Variants in MSTN observed in about 807,000 individuals in gnomAD.
The protein encoded by MSTN is growth/differentiation factor 8.
Under a neutral mutation model 32.3 loss-of-function variants are expected in MSTN, and 12 were observed. The observed-to-expected ratio is 0.37, with a 90% confidence interval of 0.24 to 0.60. The LOEUF (loss-of-function observed/expected upper bound fraction) is 0.60. MSTN is among the 20% of genes least tolerant of loss of function. The probability of loss-of-function intolerance (pLI) is 0.67; values close to 1 mark genes in which losing one functional copy is unlikely to be tolerated. For synonymous variants in MSTN, 168 were observed against 155.1 expected (o/e 1.08, Z -0.62); for missense variants, 403 against 450.3 (o/e 0.89, Z 0.95).
chr2:190,057,257 C>T lies in MSTN; in HGVS notation c.*1G>A. On this transcript the variant is annotated 3_prime_UTR_variant, in exon 3 of 3. Transcript: ENST00000260950. ...GAAGTTATGAACGCTTAATATAAAT[C>T]TCATGAGCACCCACAGCGGTCTACT... 1.2e-6 allele frequency: 2 copies of T among 1,613,016 alleles called. No individual in the cohort carries two copies. Among genetic ancestry groups the T allele is most frequent in the Non-Finnish European group, 1.7e-6 (2 of 1,179,288 alleles).
At position 190,057,405 on chromosome 2, in the gene MSTN, T is replaced by C. The variant is rs747034602; in HGVS notation, c.981A>G (p.Val327=). 6.2e-7 allele frequency: 1 copy of C among 1,613,638 alleles called. No individual in the cohort carries two copies. The highest frequency in any genetic ancestry group is 8.5e-7 in the Non-Finnish European group (1 of 1,179,656). The change falls in exon 3 of 3, where the codon GTA becomes GTG. Residue 327 remains valine (V), a synonymous_variant. Transcript: ENST00000260950. ...CTGAACCTCTGGGGTTTGCTTGGTG[T>C]ACCAGATGAGTATGAGGATATTTTT... ...FLQKYPHTHL[V]HQANPRGSAG... is the part of the protein sequence containing the mutation.
At position 190,060,282 on chromosome 2, in the gene MSTN, A is replaced by G; in HGVS notation, c.527T>C (p.Leu176Pro). 7 of 1,613,126 alleles carry G rather than the reference A, an allele frequency of 4.3e-6. No homozygotes were observed. The highest frequency in any genetic ancestry group is 5.9e-6 in the Non-Finnish European group (7 of 1,179,298). Residue 176 changes from leucine to proline, a missense_variant, in exon 2 of 3, where the codon CTC becomes CCC. Coordinates refer to ENST00000260950, the MANE Select transcript of MSTN (RefSeq NM_005259.3). ...TGTACCGTCTTTCATAGGTTTGATG[A>G]GTCTCAGGATTTGCACAAACACTGT... ...PTTVFVQILR[L>P]IKPMKDGTRY...
chr2:190,062,529 A>T lies in MSTN; in HGVS notation c.68T>A (p.Leu23Gln). ...TTCTTTTTGCTCACTGTTCTCATTT[A>T]GATCCACTGGACCAGCAACAATCAG... ...FMLIVAGPVD[L>Q]NENSEQKENV... Residue 23 changes from leucine to glutamine, a missense_variant, in exon 1 of 3, where the codon CTA becomes CAA. Physicochemically the swap from Leu to Gln is moderately radical, Grantham distance 113. Transcript: ENST00000260950. 1 of 1,613,410 alleles carries T rather than the reference A, an allele frequency of 6.2e-7. No homozygotes were observed. Among genetic ancestry groups the T allele is most frequent in the Non-Finnish European group, 8.5e-7 (1 of 1,179,560 alleles).
In MSTN at chr2:190,056,189, G is replaced by A. The variant is rs1685421610; in HGVS notation, c.*1069C>T. On this transcript the variant is annotated 3_prime_UTR_variant, in exon 3 of 3. Coordinates refer to ENST00000260950, the MANE Select transcript of MSTN (RefSeq NM_005259.3). The stretch of plus-strand genomic sequence containing the variant: ...GAAATATAAGTAGTTGCTTTTCTGT[G>A]ATGCATGACATGTCTTTGTGCCTTA... The A allele has an allele frequency of 1.3e-5, 2 of 152,468 alleles. No homozygotes were observed. Among genetic ancestry groups the A allele is most frequent in the African/African-American group, 4.8e-5 (2 of 41,424 alleles). The allele number at this position is 152,468 out of a possible 1,614,324, so 9.4% of individuals were successfully genotyped here. A position where few individuals can be genotyped will look rare whatever the true frequency, so the allele number is the denominator to read the frequency against.
At position 190,060,395 on chromosome 2, in the gene MSTN, G is replaced by A. The variant is rs779712124; in HGVS notation, c.414C>T (p.Cys138=). ...LMQVDGKPKC[C]FFKFSSKIQY... ...GTATTTTAGAGCTAAATTTAAAGAA[G>A]CAACATTTGGGTTTTCCATCCACTT... Residue 138 remains cysteine, a synonymous_variant, in exon 2 of 3, where the codon TGC becomes TGT. Coordinates refer to ENST00000260950, the MANE Select transcript of MSTN (RefSeq NM_005259.3). 2 of 1,610,552 alleles carry A rather than the reference G, an allele frequency of 1.2e-6. No individual in the cohort carries two copies. The highest frequency in any genetic ancestry group is 3.4e-5 in the Admixed American group (2 of 59,474).
Position 190,057,153 on chromosome 2 carries a change from G to A in MSTN, c.*105C>T, listed in dbSNP as rs967835682. On this transcript the variant is annotated 3_prime_UTR_variant, in exon 3 of 3. Transcript: ENST00000260950. Reference sequence around the variant, plus strand: ...TGTAGCTTATGCTTAAGTGACTGTAGCATACTCTAGGCCTATAGCCTGTGG... The same window carrying A: ...TGTAGCTTATGCTTAAGTGACTGTAACATACTCTAGGCCTATAGCCTGTGG... 2.5e-5 allele frequency: 30 copies of A among 1,219,756 alleles called. No individual in the cohort carries two copies. The Admixed American group carries it at 3.5e-4, about 14-fold the overall frequency. The allele number at this position is 1,219,756 out of a possible 1,614,324, so 75.6% of individuals were successfully genotyped here.
Position 190,060,084 on chromosome 2 carries a change from G to C in MSTN, c.725C>G (p.Pro242Arg). 6.2e-7 allele frequency: 1 copy of C among 1,612,300 alleles called. No individual in the cohort carries two copies. The highest frequency in any genetic ancestry group is 8.5e-7 in the Non-Finnish European group (1 of 1,178,758). The change falls in exon 2 of 3, where the codon CCA (proline) becomes CGA (arginine). Residue 242 changes from proline (P) to arginine (R), a missense_variant. Transcript: ENST00000260950. ...ENGHDLAVTFPGPGEDGLNPF... is the reference protein window; with the variant it reads ...ENGHDLAVTFRGPGEDGLNPF... The stretch of plus-strand genomic sequence containing the variant: ...TACCAGCCCATCTTCTCCTGGTCCT[G>C]GGAAGGTTACAGCAAGATCATGACC...
intron 2 of MSTN, among the ~76,000 whole-genome samples, chr2:190,059,521 A>G (rs1233084648): frequency 6.6e-6 from 1 of 151,982 alleles, no homozygotes; most frequent in Non-Finnish European, 1.5e-5. Flanking sequence ...AATAATGAAC[A>G]TATTTATCTT....
In MSTN at chr2:190,056,556, CTTACA is replaced by C. The variant is rs1324446482; in HGVS notation, c.*697_*701del. 1.3e-5 allele frequency: 2 copies of C among 152,536 alleles called. No homozygotes were observed. The highest frequency in any genetic ancestry group is 2.9e-5 in the Non-Finnish European group (2 of 68,000). The allele number at this position is 152,536 out of a possible 1,614,324, so 9.4% of individuals were successfully genotyped here. ...GCCAACCTCTAGAAAAATGATTCTT[CTTACA>C]TTAAAGAAAATCCATTCCTCATTTG... is the stretch of plus-strand genomic sequence containing the variant. On this transcript the variant is annotated 3_prime_UTR_variant, in exon 3 of 3. Coordinates refer to ENST00000260950, the MANE Select transcript of MSTN (RefSeq NM_005259.3).
rs1046346416 is a variant in MSTN at position 190,055,821 on chromosome 2, C to T, written c.*1437G>A. 7 of 151,822 alleles carry T rather than the reference C, an allele frequency of 4.6e-5. No homozygotes were observed. Among genetic ancestry groups the T allele is most frequent in the African/African-American group, 9.7e-5 (4 of 41,310 alleles). The allele number at this position is 151,822 out of a possible 1,614,324, so 9.4% of individuals were successfully genotyped here. A position where few individuals can be genotyped will look rare whatever the true frequency, so the allele number is the denominator to read the frequency against. ...ATTTGATTAACAAAATCCCAATTTA[C>T]AAAACAGAAGTAAATAAATGCAGAA... On this transcript the variant is annotated 3_prime_UTR_variant, in exon 3 of 3. Transcript: ENST00000260950.
rs144876323 is a variant in MSTN at position 190,059,810 on chromosome 2, T to A, written c.747+252A>T. ...TATTTCATTCCCAATTCAAAAGGAC[T>A]TCTTAAGAAGTTAAGAAGTATGGTA... On this transcript the variant is annotated intron_variant, in intron 2 of 2. Coordinates refer to ENST00000260950, the MANE Select transcript of MSTN (RefSeq NM_005259.3). Among the ~76,000 whole-genome samples, 141 of 152,028 alleles carry A rather than the reference T, an allele frequency of 9.3e-4. 1 individual carries two copies. The highest frequency in any genetic ancestry group is 3.4e-3 in the Middle Eastern group (1 of 294).
intron 1 of MSTN, among the ~76,000 whole-genome samples, chr2:190,061,570 T>A (rs1685595404): frequency 6.6e-6 from 1 of 152,034 alleles, no homozygotes; most frequent in Admixed American, 6.6e-5. Flanking sequence ...ACCTACCCAA[T>A]TAAAATGTTT....
At position 190,057,157 on chromosome 2, in the gene MSTN, A is replaced by C; in HGVS notation, c.*101T>G. On this transcript the variant is annotated 3_prime_UTR_variant, in exon 3 of 3. Coordinates refer to ENST00000260950, the MANE Select transcript of MSTN (RefSeq NM_005259.3). ...GCTTATGCTTAAGTGACTGTAGCATACTCTAGGCCTATAGCCTGTGGTACT... is the reference window on the plus strand; with the variant it reads ...GCTTATGCTTAAGTGACTGTAGCATCCTCTAGGCCTATAGCCTGTGGTACT... The C allele has an allele frequency of 7.9e-7, 1 of 1,271,908 alleles. No homozygotes were observed. The highest frequency in any genetic ancestry group is 1.5e-5 in the African/African-American group (1 of 67,328). 78.8% of individuals were successfully genotyped at this position (1,271,908 alleles called of 1,614,324 possible).
chr2:190,058,762 C>T (rs1277082530), intron 2 of MSTN, among the ~76,000 whole-genome samples: 3 of 151,964 alleles, frequency 2.0e-5, no homozygotes, highest in Non-Finnish European at 4.4e-5. Flanking sequence ...AAATACCATA[C>T]GTTCTTACTT....
chr2:190,058,476 T>C (rs1685499607), intron 2 of MSTN, among the ~76,000 whole-genome samples: 2 of 151,586 alleles, frequency 1.3e-5, no homozygotes, highest in Non-Finnish European at 2.9e-5. Flanking sequence ...ATTTTGGGAG[T>C]CATTAACATT....
At chr2:190,060,506 T>A in intron 1 of MSTN, 71 bp from the exon 2 acceptor site, 1 of 1,385,770 alleles carries the variant, frequency 7.2e-7, no homozygotes, top group Non-Finnish European at 9.9e-7. Context: ...ATATTAATAG[T>A]TGAGCATTTT....
rs1383116181 is a variant in MSTN, at chr2:190,060,512, A to AT, written c.374-78dup. The stretch of plus-strand genomic sequence containing the variant: ...AACCCCTCCATATTAATAGTTGAGC[A>AT]TTTTTTTAAATTAAGATAATGTATG... On this transcript the variant is annotated intron_variant, in intron 1 of 2. Transcript: ENST00000260950. 5 of 1,316,636 alleles carry AT rather than the reference A, an allele frequency of 3.8e-6. No individual in the cohort carries two copies. The African/African-American group carries it at 4.5e-5, about 12-fold the overall frequency. The allele number at this position is 1,316,636 out of a possible 1,614,324, so 81.6% of individuals were successfully genotyped here. A position where few individuals can be genotyped will look rare whatever the true frequency, so the allele number is the denominator to read the frequency against.
In MSTN at chr2:190,061,326, C is replaced by T. The variant is rs184077347; in HGVS notation, c.374-891G>A. On this transcript the variant is annotated intron_variant, in intron 1 of 2. Coordinates refer to ENST00000260950, the MANE Select transcript of MSTN (RefSeq NM_005259.3). ...TTGCCATGCCTTCTCTGTCAAGGTGCCTGTTTCTCTTTCCTGGAGAAAGTA... is the reference window on the plus strand; with the variant it reads ...TTGCCATGCCTTCTCTGTCAAGGTGTCTGTTTCTCTTTCCTGGAGAAAGTA... 1.1e-4 allele frequency among the ~76,000 whole-genome samples: 17 copies of T among 152,108 alleles called. No individual in the cohort carries two copies. In the East Asian group the frequency reaches 3.3e-3, roughly 29 times the overall value.
chr2:190,058,501 T>C (rs921814423), intron 2 of MSTN, among the ~76,000 whole-genome samples: 1 of 151,954 alleles, frequency 6.6e-6, no homozygotes, highest in Non-Finnish European at 1.5e-5. Flanking sequence ...GTAGCATATA[T>C]AAAGGAAACT....
Sources: allele counts gnomAD v4.1 joint callset (sites outside exome capture counted in the v4.1 genomes callset), GRCh38; gene constraint gnomAD v4.1.1; transcripts MANE v1.5; gene names NCBI Gene and HGNC (gene_info 2026-07-23, HGNC 2026-07-21).